The following PTPRF variants were observed in gnomAD, a reference collection of about 807,000 sequenced individuals.
The protein encoded by PTPRF is protein tyrosine phosphatase receptor type F.
Under a neutral mutation model 201.8 loss-of-function variants are expected in PTPRF, and 59 were observed. The ratio of observed to expected loss-of-function variants is 0.29; its 90% CI spans 0.24 to 0.36. The LOEUF is 0.36. PTPRF is among the 10% of genes least tolerant of loss of function. PTPRF has a pLI of 1.00. For missense variants in PTPRF, 2,132 were observed against 2,690.5 expected (o/e 0.79, Z 4.59); for synonymous variants, 1,088 against 1,089.7 (o/e 1.00, Z 0.03).
Position 43,612,876 on chromosome 1 carries a change from C to T in PTPRF, c.3974-742C>T, listed in dbSNP as rs578201999. The T allele has an allele frequency of 1.3e-5, 15 of 1,174,714 alleles. No individual in the cohort carries two copies. In the South Asian group the frequency reaches 1.6e-4, roughly 13 times the overall value. 72.8% of individuals were successfully genotyped at this position (1,174,714 alleles called of 1,614,324 possible). A position where few individuals can be genotyped will look rare whatever the true frequency, so the allele number is the denominator to read the frequency against. On this transcript the variant is annotated intron_variant, in intron 22 of 33. Coordinates refer to ENST00000359947, the MANE Select transcript of PTPRF (RefSeq NM_002840.5). Reference sequence around the variant, plus strand: ...GTTTCCACTCCTTACTTTTGTTTACCCCATCGCCTCCATCCTTCCTTGAAT... The same window carrying T: ...GTTTCCACTCCTTACTTTTGTTTACTCCATCGCCTCCATCCTTCCTTGAAT...
At chr1:43,606,721 C>T in intron 20 of PTPRF, 93 bp from the exon 21 acceptor site, 1 of 1,521,024 alleles carries the variant, frequency 6.6e-7, no homozygotes, top group South Asian at 1.2e-5. Flanking sequence ...CCAGGGTAAC[C>T]CAGACCCAGA....
At chr1:43,595,366 G>A (rs1300036101) in intron 11 of PTPRF, among the ~76,000 whole-genome samples, 2 of 151,970 alleles carry the variant, frequency 1.3e-5, no homozygotes, top group Middle Eastern at 3.2e-3. Flanking sequence ...AGGCGTGCCC[G>A]CCACCACACC....
rs994662481 is a variant in PTPRF at position 43,546,559 on chromosome 1, C to T, written c.91+1393C>T. Among the ~76,000 whole-genome samples the T allele has an allele frequency of 1.3e-5, 2 of 152,090 alleles. No individual in the cohort carries two copies. The highest frequency in any genetic ancestry group is 4.8e-5 in the African/African-American group (2 of 41,384). On this transcript the variant is annotated intron_variant, in intron 3 of 33. Transcript: ENST00000359947. This position sits in a 1 kb window ranked among gnomAD's most constrained non-coding sequence, Gnocchi z 4.2. ...AGCTCTTGGACATTGAAGTACTGTC[C>T]TTGCCCTCCCCGCCGACCCAACCCC...
intron 3 of PTPRF, among the ~76,000 whole-genome samples, chr1:43,551,612 T>C (rs1645042528): frequency 6.6e-6 from 1 of 152,166 alleles, no homozygotes; most frequent in Non-Finnish European, 1.5e-5. Flanking sequence ...GAAGGCTGGA[T>C]CAAAGCCTGG....
chr1:43,594,818 C>T (rs980129499), intron 11 of PTPRF, among the ~76,000 whole-genome samples: 10 of 152,172 alleles, frequency 6.6e-5, no homozygotes, highest in African/African-American at 2.2e-4. Context: ...TGCCGTGTGC[C>T]ATCTACATGG....
chr1:43,610,085 C>G (rs1350528236), intron 22 of PTPRF, among the ~76,000 whole-genome samples: 1 of 152,180 alleles, frequency 6.6e-6, no homozygotes, highest in African/African-American at 2.4e-5. Flanking sequence ...CCCACACCCC[C>G]ACAGGGTTAG....
In PTPRF at chr1:43,605,217, G is replaced by A. The variant is rs372260512; in HGVS notation, c.3163G>A (p.Val1055Met). The stretch of plus-strand genomic sequence containing the variant: ...TCTGTACAATGGGCAGAGTGTGGAG[G>A]TGGACGGGCACTCGATGCGGAAGCT... ...KILYNGQSVE[V>M]DGHSMRKLIA... Residue 1055 changes from valine (V) to methionine (M), a missense_variant, in exon 18 of 34, where the codon GTG (valine) becomes ATG (methionine). This residue lies in a region of PTPRF where 818 missense variants were observed against 915.3 expected (regional missense o/e 0.89). Coordinates refer to ENST00000359947, the MANE Select transcript of PTPRF (RefSeq NM_002840.5). 6.2e-7 allele frequency: 1 copy of A among 1,604,688 alleles called. No individual in the cohort carries two copies. Among genetic ancestry groups the A allele is most frequent in the Non-Finnish European group, 8.5e-7 (1 of 1,172,746 alleles).
chr1:43,527,842 A>C (rs560308671), upstream of PTPRF, among the ~76,000 whole-genome samples: 2 of 152,332 alleles, frequency 1.3e-5, no homozygotes, highest in African/African-American at 4.8e-5. Flanking sequence ...GCTACAGAAG[A>C]CTGGGGCTGG....
intron 13 of PTPRF, among the ~76,000 whole-genome samples, chr1:43,600,534 A>G (rs935490153): frequency 1.3e-5 from 2 of 151,720 alleles, no homozygotes; most frequent in African/African-American, 4.9e-5. Flanking sequence ...GAGCGTGGCC[A>G]CAGGGCCCAG....
At chr1:43,568,247 A>C (rs971251397) in intron 5 of PTPRF, among the ~76,000 whole-genome samples, 1 of 151,342 alleles carries the variant, frequency 6.6e-6, no homozygotes, top group Non-Finnish European at 1.5e-5. Flanking sequence ...GTGAGCTGAG[A>C]TCGCACCACT....
chr1:43,617,977 CCTT>C (rs1658281934), intron 25 of PTPRF, 66 bp downstream of exon 25: 4 of 1,492,898 alleles, frequency 2.7e-6, no homozygotes, highest in East Asian at 2.4e-5. Context: ...ATACAGGGCA[CCTT>C]CTTCTGTGCC....
At chr1:43,569,474 AG>A (rs1646423546) in intron 5 of PTPRF, 115 bp from the exon 6 acceptor site, 23 of 997,750 alleles carry the variant, frequency 2.3e-5, no homozygotes. Context: ...AGTCAAGGAA[AG>A]GGGAGGGGAG....
intron 6 of PTPRF, among the ~76,000 whole-genome samples, chr1:43,573,746 C>T (rs1646728840): frequency 1.3e-5 from 2 of 152,194 alleles, no homozygotes; most frequent in African/African-American, 4.8e-5. Flanking sequence ...ATGGAAAAGT[C>T]AGATTCTCTG....
At chr1:43,599,950 C>G (rs1653334596) in intron 13 of PTPRF, among the ~76,000 whole-genome samples, 1 of 152,186 alleles carries the variant, frequency 6.6e-6, no homozygotes, top group Non-Finnish European at 1.5e-5. Context: ...TCACCTCTGC[C>G]TGGGTGGAGA....
intron 1 of PTPRF, among the ~76,000 whole-genome samples, chr1:43,534,105 T>A (rs1385279961): frequency 6.6e-6 from 1 of 151,456 alleles, no homozygotes; most frequent in Non-Finnish European, 1.5e-5. Context: ...GAGGGATGAG[T>A]AGGAGTTTGA....
rs532434745 is a variant in PTPRF, at chr1:43,610,567, C to T, written c.3973+1069C>T. Among the ~76,000 whole-genome samples the T allele has an allele frequency of 2.6e-5, 4 of 152,352 alleles. No homozygotes were observed. In the South Asian group the frequency reaches 8.3e-4, roughly 32 times the overall value. ...CTATGGCCCGTGGCCAAGTACAGCCCACCACCTGTTTTTGTAAATAAATTT... is the reference window on the plus strand; with the variant it reads ...CTATGGCCCGTGGCCAAGTACAGCCTACCACCTGTTTTTGTAAATAAATTT... On this transcript the variant is annotated intron_variant, in intron 22 of 33. Coordinates refer to ENST00000359947, the MANE Select transcript of PTPRF (RefSeq NM_002840.5).
At chr1:43,612,659 C>T in intron 22 of PTPRF, 2 of 1,043,292 alleles carry the variant, frequency 1.9e-6, no homozygotes, top group Non-Finnish European at 2.7e-6. Flanking sequence ...CGCAAGCCCG[C>T]TCGGCACCTC....
At chr1:43,620,633 G>A in intron 31 of PTPRF, 54 bp downstream of exon 31, 2 of 1,593,966 alleles carry the variant, frequency 1.3e-6, no homozygotes, top group Non-Finnish European at 8.6e-7. Flanking sequence ...ACGCTGGGTG[G>A]ATGGCTGCCT....
chr1:43,573,473 C>T (rs562486508), intron 6 of PTPRF, among the ~76,000 whole-genome samples: 11 of 152,354 alleles, frequency 7.2e-5, no homozygotes, highest in African/African-American at 2.6e-4. Context: ...GATGCAGCAT[C>T]TGGCTGCAGG....
Sources: allele counts gnomAD v4.1 joint callset (sites outside exome capture counted in the v4.1 genomes callset), GRCh38; gene constraint gnomAD v4.1.1; regional missense constraint gnomAD v4.1.1; non-coding constraint Gnocchi (gnomAD v3.1); transcripts MANE v1.5; gene names NCBI Gene and HGNC (gene_info 2026-07-23, HGNC 2026-07-21).